Variants in GRIP1 observed in about 807,000 individuals in gnomAD.
The protein encoded by GRIP1 is glutamate receptor interacting protein 1.
In GRIP1, 45 loss-of-function variants were observed where a neutral mutation model predicts 129.9. That is an observed-to-expected ratio of 0.35 (90% CI 0.27 to 0.44). The LOEUF is 0.44. Among genes scored for constraint, GRIP1 ranks in the 20% least tolerant of loss-of-function variants. The probability of loss-of-function intolerance (pLI) is 1.00; values close to 1 mark genes in which losing one functional copy is unlikely to be tolerated. For missense variants in GRIP1, 1,196 were observed against 1,396.8 expected (o/e 0.86, Z 2.29); for synonymous variants, 530 against 520.8 (o/e 1.02, Z -0.24).
chr12:66,991,351 A>C (rs1281884235), intron 1 of GRIP1, among the ~76,000 whole-genome samples: 1 of 152,236 alleles, frequency 6.6e-6, no homozygotes, highest in Admixed American at 6.5e-5. Flanking sequence ...AACCTAAAAT[A>C]GGAAAAAATC....
intron 1 of GRIP1, among the ~76,000 whole-genome samples, chr12:67,021,896 C>T (rs2042872524): frequency 6.6e-6 from 1 of 152,122 alleles, no homozygotes; most frequent in South Asian, 2.1e-4. Flanking sequence ...TGAGTGAGAA[C>T]ATGCTGTATT....
At chr12:66,687,183 C>G (rs2034815556) in intron 1 of GRIP1, among the ~76,000 whole-genome samples, 1 of 152,164 alleles carries the variant, frequency 6.6e-6, no homozygotes, top group Admixed American at 6.5e-5. Flanking sequence ...TTAAGGTATC[C>G]TATCGAGTAT....
chr12:66,545,141 C>T (rs1191835792), intron 2 of GRIP1, among the ~76,000 whole-genome samples: 1 of 152,110 alleles, frequency 6.6e-6, no homozygotes, highest in Non-Finnish European at 1.5e-5. Flanking sequence ...CTGAATTTGA[C>T]TTTTTCCTTA....
intron 17 of GRIP1, 33 bp downstream of exon 17, chr12:66,394,175 A>T: frequency 6.3e-7 from 1 of 1,599,542 alleles, no homozygotes; most frequent in African/African-American, 1.3e-5. Context: ...CGTCTCAGAC[A>T]CAGGTAATTA....
chr12:66,441,908 C>T (rs2058481182), intron 13 of GRIP1, among the ~76,000 whole-genome samples: 2 of 152,192 alleles, frequency 1.3e-5, no homozygotes, highest in Admixed American at 1.3e-4. Flanking sequence ...TCTCCCTCAT[C>T]TTCCATATCC....
chr12:66,839,262 G>A (rs1178148622), intron 1 of GRIP1, among the ~76,000 whole-genome samples: 1 of 152,060 alleles, frequency 6.6e-6, no homozygotes, highest in Non-Finnish European at 1.5e-5. Context: ...AAGCAAAATT[G>A]CCCAATCAGT....
At chr12:66,683,681 A>G (rs2034671771), upstream of GRIP1, among the ~76,000 whole-genome samples, 1 of 152,162 alleles carries the variant, frequency 6.6e-6, no homozygotes, top group African/African-American at 2.4e-5. Flanking sequence ...TTATCTAGGC[A>G]GGGCTCTGAT....
intron 1 of GRIP1, among the ~76,000 whole-genome samples, chr12:66,853,104 T>C (rs1252027176): frequency 1.3e-5 from 2 of 151,754 alleles, no homozygotes; most frequent in Non-Finnish European, 2.9e-5. Flanking sequence ...TTGGAGTGCA[T>C]GTCTCATAAA....
intron 7 of GRIP1, among the ~76,000 whole-genome samples, chr12:66,512,538 G>A (rs970189728): frequency 7.4e-6 from 1 of 135,700 alleles, no homozygotes; most frequent in African/African-American, 2.8e-5. Flanking sequence ...ACTTTGAAGG[G>A]AAATAAACAA....
chr12:66,410,249 CAAAAAAAAAAAA>C, intron 15 of GRIP1, among the ~76,000 whole-genome samples: 1 of 47,434 alleles, frequency 2.1e-5, no homozygotes, highest in East Asian at 6.5e-4. Context: ...GACTCCGTCT[CAAAAAAAAAAAA>C]AAAAAAAAAA....
intron 1 of GRIP1, among the ~76,000 whole-genome samples, chr12:66,834,088 G>A (rs1374231310): frequency 7.0e-6 from 1 of 142,238 alleles, no homozygotes; most frequent in Non-Finnish European, 1.5e-5. Context: ...TGAGGAAGGA[G>A]AATCGTTTGA....
chr12:66,740,816 AAAAAAACT>A (rs2036765489), intron 1 of GRIP1, among the ~76,000 whole-genome samples: 1 of 152,164 alleles, frequency 6.6e-6, no homozygotes, highest in South Asian at 2.1e-4. Flanking sequence ...AGAGATAAAA[AAAAAAACT>A]AAGATTAAAG....
chr12:66,983,679 CGAAATAATTCAGAAAACACCT>C lies in GRIP1; in HGVS notation c.58+85350_58+85370del, dbSNP rs561939471. On this transcript the variant is annotated intron_variant, in intron 1 of 1. Coordinates refer to the GRIP1 transcript ENST00000643019. Reference sequence around the variant, plus strand: ...TTTGATAGAGTTGTATCTATGTTTTCGAAATAATTCAGAAAACACCTGAAATTAAAGCCCAATAAGTTAAAT... The same window carrying C: ...TTTGATAGAGTTGTATCTATGTTTTCGAAATTAAAGCCCAATAAGTTAAAT... Among the ~76,000 whole-genome samples, 23 of 152,130 alleles carry C rather than the reference CGAAATAATTCAGAAAACACCT, an allele frequency of 1.5e-4. 1 individual carries two copies. The South Asian group carries it at 1.9e-3, about 12-fold the overall frequency.
chr12:66,783,845 T>C (rs536494706), intron 1 of GRIP1, among the ~76,000 whole-genome samples: 19 of 152,248 alleles, frequency 1.2e-4, no homozygotes, highest in African/African-American at 4.1e-4. Flanking sequence ...AAAAGACAGC[T>C]TGCGTTAAGA....
intron 1 of GRIP1, among the ~76,000 whole-genome samples, chr12:66,694,076 C>T (rs1251080456): frequency 6.6e-6 from 1 of 152,160 alleles, no homozygotes; most frequent in African/African-American, 2.4e-5. Flanking sequence ...ATCTCTTCCT[C>T]AAGACATTTT....
chr12:66,757,327 T>G (rs1248375874), intron 1 of GRIP1, among the ~76,000 whole-genome samples: 2 of 152,190 alleles, frequency 1.3e-5, no homozygotes, highest in South Asian at 2.1e-4. Flanking sequence ...AGTGAGAATA[T>G]GTGAAGTTTG....
intron 9 of GRIP1, among the ~76,000 whole-genome samples, chr12:66,459,937 T>C (rs756349115): frequency 6.6e-6 from 1 of 152,250 alleles, no homozygotes; most frequent in Non-Finnish European, 1.5e-5. Flanking sequence ...TCTCATTTAA[T>C]AAAGCCAATA....
intron 1 of GRIP1, among the ~76,000 whole-genome samples, chr12:66,732,111 T>A (rs2036456449): frequency 6.6e-6 from 1 of 152,168 alleles, no homozygotes; most frequent in Admixed American, 6.5e-5. Context: ...TGTAGATTTT[T>A]TTTTCACTAA....
intron 1 of GRIP1, among the ~76,000 whole-genome samples, chr12:66,955,961 C>T (rs1315009177): frequency 6.6e-6 from 1 of 152,100 alleles, no homozygotes; most frequent in Non-Finnish European, 1.5e-5. Flanking sequence ...ATTTTAAAAC[C>T]TATTTATTTT....
Sources: gnomAD v4.1 joint callset for allele counts (sites outside exome capture counted in the v4.1 genomes callset) on GRCh38, gnomAD v4.1.1 for gene constraint, MANE v1.5 for transcripts, NCBI Gene and HGNC (gene_info 2026-07-23, HGNC 2026-07-21) for gene names.